The following FOCAD variants were observed in gnomAD, a reference collection of about 807,000 sequenced individuals.
FOCAD encodes the protein KIAA1797.
In FOCAD, 198 loss-of-function variants were observed where a neutral mutation model predicts 225.6. The ratio of observed to expected loss-of-function variants is 0.88; its 90% CI spans 0.78 to 0.99. FOCAD has a LOEUF of 0.99. Ranked by LOEUF, FOCAD falls within the 50% of genes least tolerant of loss-of-function variation. The probability of loss-of-function intolerance (pLI) is 0.00; values close to 1 mark genes in which losing one functional copy is unlikely to be tolerated. For missense variants in FOCAD, 2,713 were observed against 2,123.6 expected (o/e 1.28, Z -5.46); for synonymous variants, 897 against 755.0 (o/e 1.19, Z -3.08).
intron 11 of FOCAD, among the ~76,000 whole-genome samples, chr9:20,803,411 A>T (rs1822054497): frequency 6.6e-6 from 1 of 152,092 alleles, no homozygotes. Context: ...CTCCCTGAAA[A>T]ATTGAAAAGG....
chr9:20,742,597 C>T (rs1827725076), intron 5 of FOCAD, among the ~76,000 whole-genome samples: 1 of 152,152 alleles, frequency 6.6e-6, no homozygotes, highest in South Asian at 2.1e-4. Context: ...TTTATAGGCA[C>T]CTTAAAGTAT....
intron 5 of FOCAD, among the ~76,000 whole-genome samples, chr9:20,745,537 C>T (rs909212998): frequency 6.6e-6 from 1 of 152,054 alleles, no homozygotes; most frequent in Admixed American, 6.6e-5. Flanking sequence ...TGTAAGATGC[C>T]ATTTTTCCCC....
At chr9:20,861,117 A>G (rs1270995841) in intron 15 of FOCAD, among the ~76,000 whole-genome samples, 5 of 152,130 alleles carry the variant, frequency 3.3e-5, no homozygotes, top group Admixed American at 3.3e-4. Context: ...CCATTGACTT[A>G]TTATCCTCCA....
At chr9:20,694,937 A>T (rs1335592451) in intron 1 of FOCAD, among the ~76,000 whole-genome samples, 1 of 152,190 alleles carries the variant, frequency 6.6e-6, no homozygotes, top group Non-Finnish European at 1.5e-5. Context: ...GAATCATGTA[A>T]GTTTCCCAAA....
At chr9:20,800,712 G>C (rs1334318839) in intron 11 of FOCAD, among the ~76,000 whole-genome samples, 1 of 152,018 alleles carries the variant, frequency 6.6e-6, no homozygotes, top group Non-Finnish European at 1.5e-5. Context: ...GTCCTTTAAG[G>C]ACTTCTCTGC....
intron 21 of FOCAD, among the ~76,000 whole-genome samples, chr9:20,894,675 G>C (rs1037528307): frequency 6.6e-6 from 1 of 152,010 alleles, no homozygotes; most frequent in Non-Finnish European, 1.5e-5. Context: ...AAATCTGGTT[G>C]TTAGGTTTTT....
chr9:20,946,564 G>T (rs1013522783), intron 29 of FOCAD, 137 bp from the exon 30 acceptor site: 2 of 846,468 alleles, frequency 2.4e-6, no homozygotes, highest in East Asian at 2.7e-5. Context: ...CAGAAAAACA[G>T]TGCCCAATCC....
At chr9:20,824,138 A>G (rs1824629859) in intron 15 of FOCAD, among the ~76,000 whole-genome samples, 1 of 152,156 alleles carries the variant, frequency 6.6e-6, no homozygotes, top group Non-Finnish European at 1.5e-5. Context: ...TTAGAACTTA[A>G]TGGCAAGGGG....
At chr9:20,788,542 A>G (rs991922122) in intron 10 of FOCAD, among the ~76,000 whole-genome samples, 16 of 152,318 alleles carry the variant, frequency 1.1e-4, no homozygotes, top group Admixed American at 9.2e-4. Flanking sequence ...TTGTTATCCT[A>G]ATTCATATAA....
chr9:20,667,913 G>A (rs574952341), intron 2 of FOCAD, among the ~76,000 whole-genome samples: 84 of 152,214 alleles, frequency 5.5e-4, no homozygotes, highest in African/African-American at 1.9e-3. Flanking sequence ...AACAGAAGTG[G>A]AGTTGAATCA....
At chr9:20,746,742 A>G (rs796946963) in intron 5 of FOCAD, among the ~76,000 whole-genome samples, 3 of 152,294 alleles carry the variant, frequency 2.0e-5, no homozygotes, top group Admixed American at 6.5e-5. Flanking sequence ...TCCATATTCC[A>G]GTTTTGTCTG....
intron 35 of FOCAD, among the ~76,000 whole-genome samples, chr9:20,971,319 C>T (rs943328279): frequency 6.6e-6 from 1 of 152,198 alleles, no homozygotes; most frequent in East Asian, 1.9e-4. Context: ...GCCACTTCCA[C>T]TTCTACTTTT....
chr9:20,915,537 T>C (rs751201594), intron 23 of FOCAD, among the ~76,000 whole-genome samples: 3 of 152,156 alleles, frequency 2.0e-5, no homozygotes, highest in Non-Finnish European at 2.9e-5. Flanking sequence ...TTGGTGGTCA[T>C]GACAGGAGCT....
At chr9:20,846,050 C>G (rs574989861) in intron 15 of FOCAD, among the ~76,000 whole-genome samples, 29 of 152,116 alleles carry the variant, frequency 1.9e-4, no homozygotes, top group African/African-American at 7.0e-4. Context: ...AGGAGGAGTG[C>G]TCAGATATCT....
intron 5 of FOCAD, among the ~76,000 whole-genome samples, chr9:20,756,102 AG>A (rs1829020196): frequency 6.6e-6 from 1 of 152,190 alleles, no homozygotes. Flanking sequence ...AATTCTAGGT[AG>A]GTTTAACTGC....
chr9:20,874,887 C>T, intron 19 of FOCAD, 80 bp downstream of exon 19: 1 of 1,539,826 alleles, frequency 6.5e-7, no homozygotes, highest in Non-Finnish European at 9.0e-7. Flanking sequence ...GTGATAGGTA[C>T]ATAGTATAGT....
chr9:20,707,640 G>A (rs1332317), intron 1 of FOCAD, among the ~76,000 whole-genome samples: 54,412 of 151,958 alleles, frequency 0.36, 10,053 homozygotes, highest in East Asian at 0.48. Context: ...GAAGTGGATC[G>A]TCATAAAGGT....
intron 35 of FOCAD, chr9:20,957,494 T>TTTTTTTTTTTA (rs1838283980): frequency 2.9e-5 from 4 of 138,166 alleles, no homozygotes; most frequent in South Asian, 2.3e-4. Context: ...TTTTTTTTTT[T>TTTTTTTTTTTA]GAGACAGTCT....
intron 15 of FOCAD, among the ~76,000 whole-genome samples, chr9:20,862,035 A>G (rs563883844): frequency 6.6e-6 from 1 of 152,254 alleles, no homozygotes; most frequent in South Asian, 2.1e-4. Context: ...AACTTTTAAG[A>G]CATCTTAAAT....
Sources: allele counts gnomAD v4.1 joint callset (sites outside exome capture counted in the v4.1 genomes callset), GRCh38; gene constraint gnomAD v4.1.1; transcripts MANE v1.5; gene names NCBI Gene and HGNC (gene_info 2026-07-23, HGNC 2026-07-21).